Variants in DNAH6 observed in about 807,000 individuals in gnomAD.
DNAH6 encodes the protein dynein axonemal heavy chain 6.
A neutral mutation model predicts 491.4 loss-of-function variants in DNAH6; 340 were observed. The ratio of observed to expected loss-of-function variants is 0.69; its 90% confidence interval spans 0.63 to 0.76. DNAH6 has a LOEUF of 0.76. Ranked by LOEUF, DNAH6 falls within the 30% of genes least tolerant of loss-of-function variation. DNAH6 has a pLI of 0.00. For synonymous variants in DNAH6, 1,603 were observed against 1,686.1 expected (o/e 0.95, Z 1.21); for missense variants, 4,443 against 4,972.2 (o/e 0.89, Z 3.20).
At chr2:84,558,393 C>T (rs926174035) in intron 11 of DNAH6, among the ~76,000 whole-genome samples, 7 of 150,666 alleles carry the variant, frequency 4.6e-5, no homozygotes, top group Non-Finnish European at 7.4e-5. Context: ...CACTGCACTC[C>T]AGCCTAGGTG....
At chr2:84,745,051 A>T in intron 62 of DNAH6, 29 bp from the exon 63 acceptor site, 1 of 1,371,470 alleles carries the variant, frequency 7.3e-7, no homozygotes, top group Non-Finnish European at 9.8e-7. Flanking sequence ...AAATCTAATT[A>T]AATTATCTTT....
At position 84,745,206 on chromosome 2, in the gene DNAH6, C is replaced by A. The variant is rs1037994635; in HGVS notation, c.10469C>A (p.Ser3490Tyr). The A allele has an allele frequency of 2.6e-6, 4 of 1,539,336 alleles. No homozygotes were observed. The highest frequency in any genetic ancestry group is 3.5e-6 in the Non-Finnish European group (4 of 1,142,732). ...GATCCATGGAGTGCAGGATTGAGTTCTTTCCATAAGCTAATTCTTATTAAA... is the reference window on the plus strand; with the variant it reads ...GATCCATGGAGTGCAGGATTGAGTTATTTCCATAAGCTAATTCTTATTAAA... ...HQDPWSAGLS[S>Y]FHKLILIKCC... The change falls in exon 63 of 77, where the codon TCT becomes TAT. Residue 3490 changes from serine (S) to tyrosine (Y), a missense_variant. Physicochemically the swap from Ser to Tyr is moderately radical, Grantham distance 144. This residue lies in a region of DNAH6 where 1,463 missense variants were observed against 1,656.6 expected (regional missense o/e 0.88). Coordinates refer to ENST00000389394, the MANE Select transcript of DNAH6 (RefSeq NM_001370.2).
chr2:84,782,153 G>C (rs989291449), intron 65 of DNAH6, among the ~76,000 whole-genome samples: 4 of 152,160 alleles, frequency 2.6e-5, no homozygotes, highest in Admixed American at 2.6e-4. Context: ...ATAGTTGCTA[G>C]CACTAGTTTT....
At chr2:84,521,255 C>A (rs769752057) in intron 2 of DNAH6, among the ~76,000 whole-genome samples, 2 of 151,334 alleles carry the variant, frequency 1.3e-5, no homozygotes, top group Admixed American at 1.3e-4. Flanking sequence ...TATGCTTGTT[C>A]GCTATGTCTA....
chr2:84,756,783 T>C (rs1674068352), intron 63 of DNAH6, among the ~76,000 whole-genome samples: 1 of 152,166 alleles, frequency 6.6e-6, no homozygotes, highest in Non-Finnish European at 1.5e-5. Context: ...AAGCCAGGAA[T>C]TGCCTTTGGA....
intron 68 of DNAH6, 124 bp from the exon 69 acceptor site, chr2:84,796,182 G>A (rs553185049): frequency 2.8e-5 from 17 of 617,648 alleles, no homozygotes; most frequent in African/African-American, 9.5e-5. Flanking sequence ...AAATTCTGTT[G>A]TGTGCTTTCC....
At chr2:84,733,185 T>C (rs575814980) in intron 61 of DNAH6, among the ~76,000 whole-genome samples, 1 of 152,346 alleles carries the variant, frequency 6.6e-6, no homozygotes, top group East Asian at 1.9e-4. Context: ...GAAAACAGGC[T>C]GAAAGTAGCA....
chr2:84,654,918 TGAATTCCTGG>T, intron 35 of DNAH6, 136 bp downstream of exon 35: 2 of 940,184 alleles, frequency 2.1e-6, no homozygotes, highest in Non-Finnish European at 1.6e-6. Flanking sequence ...GTCCTCCCTG[TGAATTCCTGG>T]AATCGTCCAG....
At chr2:84,465,582 G>C in the DNAH6 span, among the ~76,000 whole-genome samples, 1 of 152,142 alleles carries the variant, frequency 6.6e-6, no homozygotes, top group East Asian at 1.9e-4. Flanking sequence ...ATTCCACAAG[G>C]GTAAACAAGT....
the DNAH6 span, among the ~76,000 whole-genome samples, chr2:84,480,878 G>A: frequency 1.3e-4 from 19 of 151,830 alleles, no homozygotes; most frequent in Admixed American, 9.2e-4. Context: ...CAGGAGAATC[G>A]ATTGAACCTG....
the DNAH6 span, among the ~76,000 whole-genome samples, chr2:84,466,674 T>C: frequency 1.3e-5 from 2 of 152,246 alleles, no homozygotes; most frequent in African/African-American, 4.8e-5. Context: ...TGTTTTCCTC[T>C]ATTCTGATGT....
intron 11 of DNAH6, among the ~76,000 whole-genome samples, chr2:84,562,084 T>G (rs957217840): frequency 1.3e-5 from 2 of 151,898 alleles, no homozygotes; most frequent in Non-Finnish European, 2.9e-5. Context: ...ACTGTAAAAA[T>G]AGAGAAGGAG....
chr2:84,777,210 G>A (rs1253941902), intron 64 of DNAH6: 15 of 193,794 alleles, frequency 7.7e-5, no homozygotes, highest in Non-Finnish European at 1.6e-4. Flanking sequence ...AAACCTGCAC[G>A]TTGTGCACAC....
the DNAH6 span, among the ~76,000 whole-genome samples, chr2:84,503,455 T>C: frequency 6.6e-5 from 10 of 152,268 alleles, no homozygotes; most frequent in East Asian, 1.7e-3. Context: ...TACAGTGTTA[T>C]AATATTCTGA....
At chr2:84,516,642 T>C (rs1380902) in intron 1 of DNAH6, 59 bp downstream of exon 1, 146,896 of 152,318 alleles carry the variant, frequency 0.96, 70,882 homozygotes, top group East Asian at 1. Flanking sequence ...AGAAACAAAG[T>C]CTGACTTTCG....
At chr2:84,724,184 A>G (rs1219170407) in intron 60 of DNAH6, among the ~76,000 whole-genome samples, 1 of 152,106 alleles carries the variant, frequency 6.6e-6, no homozygotes, top group African/African-American at 2.4e-5. Flanking sequence ...CTCCCTCCAT[A>G]CATGCCACTC....
At chr2:84,599,590 T>G (rs147684143) in intron 18 of DNAH6, among the ~76,000 whole-genome samples, 2,350 of 152,328 alleles carry the variant, frequency 0.015, 41 homozygotes, top group Non-Finnish European at 0.02. Flanking sequence ...TATTTTTTCT[T>G]CAGTCATTAT....
intron 22 of DNAH6, among the ~76,000 whole-genome samples, chr2:84,615,032 T>C (rs1686710061): frequency 7.0e-6 from 1 of 143,118 alleles, no homozygotes; most frequent in Non-Finnish European, 1.5e-5. Context: ...TTAAGTCCCA[T>C]CTATTTATCT....
intron 22 of DNAH6, 34 bp downstream of exon 22, chr2:84,611,888 T>G: frequency 6.5e-7 from 1 of 1,532,622 alleles, no homozygotes; most frequent in Non-Finnish European, 8.8e-7. Flanking sequence ...GCAAAAAGAC[T>G]ACAATCTTTT....
Sources: allele counts gnomAD v4.1 joint callset (sites outside exome capture counted in the v4.1 genomes callset), GRCh38; gene constraint gnomAD v4.1.1; regional missense constraint gnomAD v4.1.1; transcripts MANE v1.5; gene names NCBI Gene and HGNC (gene_info 2026-07-23, HGNC 2026-07-21).